UBN2: variants seen among roughly 807,000 people sequenced by gnomAD.
UBN2 encodes ubinuclein-2.
Under a neutral mutation model 120.2 loss-of-function variants are expected in UBN2, and 35 were observed. The ratio of observed to expected loss-of-function variants is 0.29; its 90% CI spans 0.22 to 0.39. UBN2 has a LOEUF of 0.39. UBN2 is among the 10% of genes least tolerant of loss of function. The probability of loss-of-function intolerance (pLI) is 1.00; values close to 1 mark genes in which losing one functional copy is unlikely to be tolerated. For synonymous variants in UBN2, 661 were observed against 648.7 expected (o/e 1.02, Z -0.29); for missense variants, 1,693 against 1,663.2 (o/e 1.02, Z -0.31).
chr7:139,298,006 C>T lies in UBN2; in HGVS notation c.*170C>T. 1 of 673,360 alleles carries T rather than the reference C, an allele frequency of 1.5e-6. No homozygotes were observed. Among genetic ancestry groups the T allele is most frequent in the Admixed American group, 2.8e-5 (1 of 35,254 alleles). The allele number at this position is 673,360 out of a possible 1,614,324, so 41.7% of individuals were successfully genotyped here. Reference sequence around the variant, plus strand: ...AAAGAAAACATTACTTGAGCAAAGCCAGGTGCAGGAGGAAGAAATGCTTTT... The same window carrying T: ...AAAGAAAACATTACTTGAGCAAAGCTAGGTGCAGGAGGAAGAAATGCTTTT... On this transcript the variant is annotated 3_prime_UTR_variant, in exon 18 of 18. Coordinates refer to ENST00000473989, the MANE Select transcript of UBN2 (RefSeq NM_173569.4).
intron 2 of UBN2, among the ~76,000 whole-genome samples, chr7:139,249,780 A>G (rs193009007): frequency 6.6e-6 from 1 of 152,096 alleles, no homozygotes; most frequent in East Asian, 1.9e-4. Flanking sequence ...AACTTGGCTC[A>G]CTGTAGCCTC....
At chr7:139,308,984 C>T (rs191565957), downstream of UBN2, among the ~76,000 whole-genome samples, 452 of 152,234 alleles carry the variant, frequency 3.0e-3, 1 homozygote, top group Admixed American at 6.5e-3. Context: ...ACAGGAGAAT[C>T]GCTTAAACCA....
chr7:139,283,846 C>G lies in UBN2; in HGVS notation c.2941C>G (p.Arg981Gly). Residue 981 changes from arginine to glycine, a missense_variant, in exon 15 of 18, where the codon CGC (arginine) becomes GGC (glycine). Physicochemically the swap from Arg to Gly is moderately radical, Grantham distance 125. This residue lies in a region of UBN2 where 837 missense variants were observed against 817.6 expected (regional missense o/e 1.02). Coordinates refer to ENST00000473989, the MANE Select transcript of UBN2 (RefSeq NM_173569.4). ...GACTTCAGATAAGCCACTTATGTACCGCCTTCCCTTATCTACCCCCTCACC... is the reference window on the plus strand; with the variant it reads ...GACTTCAGATAAGCCACTTATGTACGGCCTTCCCTTATCTACCCCCTCACC... ...IKTSDKPLMY[R>G]LPLSTPSPGN... is the part of the protein sequence containing the mutation. The G allele has an allele frequency of 6.2e-7, 1 of 1,614,094 alleles. No individual in the cohort carries two copies. Among genetic ancestry groups the G allele is most frequent in the Non-Finnish European group, 8.5e-7 (1 of 1,180,028 alleles).
At chr7:139,259,204 G>C (rs1796855291) in intron 4 of UBN2, 63 bp from the exon 5 acceptor site, 3 of 1,581,156 alleles carry the variant, frequency 1.9e-6, no homozygotes, top group Non-Finnish European at 2.6e-6. Context: ...ATGCTGGATT[G>C]CTAACATCAA....
At chr7:139,250,757 A>G (rs148851843) in intron 2 of UBN2, among the ~76,000 whole-genome samples, 61 of 152,182 alleles carry the variant, frequency 4.0e-4, no homozygotes, top group Non-Finnish European at 7.2e-4. Flanking sequence ...CAGTTTTTAC[A>G]TGCACTCATT....
chr7:139,296,438 C>T (rs1290787209), intron 17 of UBN2, among the ~76,000 whole-genome samples: 1 of 152,182 alleles, frequency 6.6e-6, no homozygotes, highest in Non-Finnish European at 1.5e-5. Flanking sequence ...TGTTCCTTTT[C>T]ACCTGTGTAT....
intron 17 of UBN2, among the ~76,000 whole-genome samples, chr7:139,296,152 G>A (rs1798103759): frequency 6.6e-6 from 1 of 152,148 alleles, no homozygotes; most frequent in African/African-American, 2.4e-5. Context: ...TTGGCACCTG[G>A]TGCATAGTAA....
chr7:139,327,866 T>C, the UBN2 span, among the ~76,000 whole-genome samples: 1 of 152,232 alleles, frequency 6.6e-6, no homozygotes, highest in Non-Finnish European at 1.5e-5. Context: ...TAAAATCTGC[T>C]GCATCTCAGA....
chr7:139,292,060 G>C (rs977996954), intron 15 of UBN2, among the ~76,000 whole-genome samples: 16 of 152,046 alleles, frequency 1.1e-4, no homozygotes, highest in African/African-American at 2.7e-4. Flanking sequence ...AGCCTAGCCT[G>C]GGCAACATGG....
At chr7:139,233,606 A>G (rs1796085875) in intron 1 of UBN2, among the ~76,000 whole-genome samples, 1 of 152,160 alleles carries the variant, frequency 6.6e-6, no homozygotes, top group Non-Finnish European at 1.5e-5. Context: ...TTCTTTCCAT[A>G]GTGATACAAT....
chr7:139,314,126 G>T, the UBN2 span, among the ~76,000 whole-genome samples: 6 of 151,102 alleles, frequency 4.0e-5, no homozygotes, highest in South Asian at 1.3e-3. Flanking sequence ...GGGATTACAG[G>T]CGTGAGTCAC....
intron 1 of UBN2, among the ~76,000 whole-genome samples, chr7:139,235,596 G>A (rs1238856889): frequency 1.3e-5 from 2 of 152,116 alleles, no homozygotes; most frequent in East Asian, 3.9e-4. Flanking sequence ...TGGTAGAGAC[G>A]GGGTTTCACC....
At chr7:139,247,831 T>C (rs1252170324) in intron 2 of UBN2, among the ~76,000 whole-genome samples, 1 of 152,226 alleles carries the variant, frequency 6.6e-6, no homozygotes, top group Non-Finnish European at 1.5e-5. Context: ...TTCCTTGTGC[T>C]GATGCCTTCC....
rs535116038 is a variant in UBN2, at chr7:139,285,939, A to T, written c.3669+1365A>T. ...TGTATATTTATTTATTATTATTATTATTTTTTTGAGACGGAGTCTTCTCTG... is the reference window on the plus strand; with the variant it reads ...TGTATATTTATTTATTATTATTATTTTTTTTTTGAGACGGAGTCTTCTCTG... On this transcript the variant is annotated intron_variant, in intron 15 of 17. Coordinates refer to ENST00000473989, the MANE Select transcript of UBN2 (RefSeq NM_173569.4). 2.0e-3 allele frequency among the ~76,000 whole-genome samples: 298 copies of T among 151,282 alleles called. 1 individual carries two copies. Among genetic ancestry groups the T allele is most frequent in the African/African-American group, 6.7e-3 (276 of 41,302 alleles).
downstream of UBN2, among the ~76,000 whole-genome samples, chr7:139,312,913 A>T (rs1383549378): frequency 6.6e-6 from 1 of 152,148 alleles, no homozygotes; most frequent in Admixed American, 6.5e-5. Flanking sequence ...TATTTCTCCC[A>T]TTAATTTGTG....
intron 15 of UBN2, among the ~76,000 whole-genome samples, chr7:139,290,709 T>G (rs552621902): frequency 1.1e-4 from 16 of 152,252 alleles, no homozygotes; most frequent in South Asian, 4.2e-4. Context: ...GGATATAAAT[T>G]TCAGTTGTAA....
intron 5 of UBN2, among the ~76,000 whole-genome samples, chr7:139,260,303 A>T (rs557562133): frequency 3.3e-5 from 5 of 151,776 alleles, no homozygotes; most frequent in African/African-American, 1.2e-4. Context: ...TCGCCATGTT[A>T]TCTAGGCTGG....
At chr7:139,248,468 T>C (rs1321415986) in intron 2 of UBN2, among the ~76,000 whole-genome samples, 2 of 152,190 alleles carry the variant, frequency 1.3e-5, no homozygotes, top group East Asian at 3.8e-4. Flanking sequence ...AAATTCAAAT[T>C]AAATTCCTCT....
chr7:139,242,375 T>C (rs1002904765), intron 2 of UBN2, among the ~76,000 whole-genome samples: 3 of 152,336 alleles, frequency 2.0e-5, no homozygotes, highest in Admixed American at 6.5e-5. Context: ...TTTGGCCTTA[T>C]GTGAGGTCTG....
Sources: gnomAD v4.1 joint callset for allele counts (sites outside exome capture counted in the v4.1 genomes callset) on GRCh38, gnomAD v4.1.1 for gene constraint, gnomAD v4.1.1 regional missense constraint, MANE v1.5 for transcripts, NCBI Gene and HGNC (gene_info 2026-07-23, HGNC 2026-07-21) for gene names.